Variants in JAZF1 observed in about 807,000 individuals in gnomAD.
JAZF1 encodes juxtaposed with another zinc finger protein 1.
JAZF1 carries 8 observed loss-of-function variants against 26.4 expected under a neutral mutation model. That is an observed-to-expected ratio of 0.30 (90% CI 0.18 to 0.55). The LOEUF (loss-of-function observed/expected upper bound fraction) is 0.55. Among genes scored for constraint, JAZF1 ranks in the 20% least tolerant of loss-of-function variants. The pLI, the probability that JAZF1 is intolerant of heterozygous loss-of-function variation, is 0.94. For missense variants in JAZF1, 199 were observed against 322.0 expected, an observed-to-expected ratio of 0.62 and a Z score of 2.92; for synonymous variants, 126 against 122.3, an observed-to-expected ratio of 1.03 and a Z score of -0.20.
At position 27,989,259 on chromosome 7, in the gene JAZF1, C is replaced by T. The variant is rs1347177911; in HGVS notation, c.188+2650G>A. 3.9e-5 allele frequency among the ~76,000 whole-genome samples: 6 copies of T among 152,230 alleles called. No individual in the cohort carries two copies. The South Asian group carries it at 1.2e-3, about 32-fold the overall frequency. On this transcript the variant is annotated intron_variant, in intron 2 of 4. Transcript: ENST00000283928. ...ATATGTAGAAAGCTGAAATTGGATCCCTTCCTTATACCTTATACAAAAATT... is the reference window on the plus strand; with the variant it reads ...ATATGTAGAAAGCTGAAATTGGATCTCTTCCTTATACCTTATACAAAAATT...
chr7:27,872,159 C>A (rs972039128), intron 3 of JAZF1, among the ~76,000 whole-genome samples: 1 of 152,152 alleles, frequency 6.6e-6, no homozygotes, highest in African/African-American at 2.4e-5. Flanking sequence ...GCCGTCTGTT[C>A]CACAGAGCAC....
intron 3 of JAZF1, among the ~76,000 whole-genome samples, chr7:27,857,574 A>G (rs1197757708): frequency 6.6e-6 from 1 of 152,256 alleles, no homozygotes; most frequent in Admixed American, 6.5e-5. Context: ...CACCTCTCAC[A>G]AGGCTGGTTC....
rs1469333391 is a variant in JAZF1 at position 27,830,960 on chromosome 7, T to C, written c.*1840A>G. The C allele has an allele frequency of 4.6e-6, 1 of 218,498 alleles. No individual in the cohort carries two copies. Among genetic ancestry groups the C allele is most frequent in the Middle Eastern group, 1.4e-3 (1 of 704 alleles). The allele number at this position is 218,498 out of a possible 1,614,324, so 13.5% of individuals were successfully genotyped here. A position where few individuals can be genotyped will look rare whatever the true frequency, so the allele number is the denominator to read the frequency against. On this transcript the variant is annotated 3_prime_UTR_variant, in exon 5 of 5. Transcript: ENST00000283928. Reference sequence around the variant, plus strand: ...TGATCCAGCCTGCAGTTTCTTGCACTAGAAAGAGCGAAGCTAAATAATAAT... The same window carrying C: ...TGATCCAGCCTGCAGTTTCTTGCACCAGAAAGAGCGAAGCTAAATAATAAT...
intron 2 of JAZF1, among the ~76,000 whole-genome samples, chr7:27,973,377 A>T (rs1785413098): frequency 6.6e-6 from 1 of 152,002 alleles, no homozygotes; most frequent in Non-Finnish European, 1.5e-5. Flanking sequence ...AGCTCATTGC[A>T]ATCTTGACCT....
rs9639568 is a variant in JAZF1 at position 27,923,070 on chromosome 7, G to A, written c.189-27654C>T. Among the ~76,000 whole-genome samples the A allele has an allele frequency of 3.3e-4, 50 of 152,324 alleles. 2 individuals are homozygous for A. The East Asian group carries it at 9.2e-3, about 28-fold the overall frequency. Reference sequence around the variant, plus strand: ...AAGAACCCAGGCTGTGGTTGTTGGCGGCAGTCTCCAGATGAGCCTCAGCAG... The same window carrying A: ...AAGAACCCAGGCTGTGGTTGTTGGCAGCAGTCTCCAGATGAGCCTCAGCAG... On this transcript the variant is annotated intron_variant, in intron 2 of 4. Coordinates refer to ENST00000283928, the MANE Select transcript of JAZF1 (RefSeq NM_175061.4).
At chr7:27,938,877 G>A (rs1360187939) in intron 2 of JAZF1, among the ~76,000 whole-genome samples, 1 of 150,838 alleles carries the variant, frequency 6.6e-6, no homozygotes, top group Non-Finnish European at 1.5e-5. Context: ...CTGAGTTCAA[G>A]CCATCTACCC....
chr7:28,119,914 AAC>A lies in JAZF1; in HGVS notation c.115+60547_115+60548del, dbSNP rs759929164. Among the ~76,000 whole-genome samples, 55 of 152,204 alleles carry A rather than the reference AAC, an allele frequency of 3.6e-4. 1 individual carries two copies. The highest frequency in any genetic ancestry group is 1.8e-4 in the Non-Finnish European group (12 of 68,034). ...CATTACCTATACATATATCTGTATCAACAGTTATATTCTACTGTATTGATACA... is the reference window on the plus strand; with the variant it reads ...CATTACCTATACATATATCTGTATCAAGTTATATTCTACTGTATTGATACA... On this transcript the variant is annotated intron_variant, in intron 1 of 4. Transcript: ENST00000283928.
At chr7:27,974,261 A>G (rs1286950644) in intron 2 of JAZF1, among the ~76,000 whole-genome samples, 1 of 152,192 alleles carries the variant, frequency 6.6e-6, no homozygotes, top group Non-Finnish European at 1.5e-5. Flanking sequence ...GTTAACAGCC[A>G]AGGTCAAGGC....
intron 1 of JAZF1, among the ~76,000 whole-genome samples, chr7:28,010,284 C>A (rs1264090916): frequency 6.6e-6 from 1 of 152,168 alleles, no homozygotes; most frequent in Non-Finnish European, 1.5e-5. Context: ...GTTTTGGAAG[C>A]AGCTGCTATG....
chr7:28,022,598 T>C (rs1300856357), intron 1 of JAZF1, among the ~76,000 whole-genome samples: 2 of 152,236 alleles, frequency 1.3e-5, no homozygotes, highest in Admixed American at 1.3e-4. Flanking sequence ...AAGTTACCCA[T>C]AATCAACTAT....
intron 2 of JAZF1, chr7:27,914,607 A>T: frequency 2.7e-6 from 1 of 376,242 alleles, no homozygotes; most frequent in South Asian, 2.0e-5. Flanking sequence ...CCTTACTAAA[A>T]ATGGAAACTC....
chr7:28,034,162 A>G (rs563703221), intron 1 of JAZF1, among the ~76,000 whole-genome samples: 3 of 152,292 alleles, frequency 2.0e-5, no homozygotes, highest in South Asian at 2.1e-4. Context: ...ATGAATTTCA[A>G]ACTGTTCTGT....
intron 2 of JAZF1, among the ~76,000 whole-genome samples, chr7:27,898,955 A>C (rs1391609735): frequency 1.3e-5 from 2 of 152,138 alleles, no homozygotes; most frequent in African/African-American, 2.4e-5. Flanking sequence ...ACACACACAC[A>C]CCCACACCAC....
chr7:27,838,772 G>A (rs1782867152), intron 4 of JAZF1, among the ~76,000 whole-genome samples: 2 of 152,336 alleles, frequency 1.3e-5, no homozygotes, highest in South Asian at 4.1e-4. Context: ...CTGGTCACAG[G>A]TGTGGTCACA....
chr7:28,128,226 C>T (rs183360049), intron 1 of JAZF1, among the ~76,000 whole-genome samples: 1 of 152,236 alleles, frequency 6.6e-6, no homozygotes, highest in African/African-American at 2.4e-5. Flanking sequence ...TGAGAACTTA[C>T]TAGAAATGCA....
At chr7:28,037,939 C>A (rs1370777575) in intron 1 of JAZF1, among the ~76,000 whole-genome samples, 1 of 152,200 alleles carries the variant, frequency 6.6e-6, no homozygotes, top group Non-Finnish European at 1.5e-5. Context: ...CTACTCTAGT[C>A]ACATGTATGC....
chr7:28,026,798 G>A (rs1000430550), intron 1 of JAZF1, among the ~76,000 whole-genome samples: 3 of 152,206 alleles, frequency 2.0e-5, no homozygotes, highest in African/African-American at 7.2e-5. Flanking sequence ...ACCGGCACTG[G>A]AGAAGGGAGC....
chr7:27,847,523 A>G (rs1288920669), intron 3 of JAZF1, among the ~76,000 whole-genome samples: 4 of 152,242 alleles, frequency 2.6e-5, no homozygotes, highest in Non-Finnish European at 5.9e-5. Context: ...CCCAGCACCA[A>G]TTACTGAAGA....
intron 2 of JAZF1, among the ~76,000 whole-genome samples, chr7:27,931,975 T>C (rs1162107684): frequency 1.3e-5 from 2 of 152,114 alleles, no homozygotes; most frequent in Non-Finnish European, 2.9e-5. Flanking sequence ...ACTTCTTGAA[T>C]GTATTTGGAA....
Sources: allele counts gnomAD v4.1 joint callset (sites outside exome capture counted in the v4.1 genomes callset), GRCh38; gene constraint gnomAD v4.1.1; transcripts MANE v1.5; gene names NCBI Gene and HGNC (gene_info 2026-07-23, HGNC 2026-07-21).